FARSB: variants seen among roughly 807,000 people sequenced by gnomAD.
FARSB encodes phenylalanine--tRNA ligase beta subunit.
FARSB carries 40 observed loss-of-function variants against 69.6 expected under a neutral mutation model. The ratio of observed to expected loss-of-function variants is 0.57; its 90% CI spans 0.45 to 0.75. FARSB has a LOEUF of 0.75. Ranked by LOEUF, FARSB falls within the 30% of genes least tolerant of loss-of-function variation. The probability of loss-of-function intolerance (pLI) is 0.00; values close to 1 mark genes in which losing one functional copy is unlikely to be tolerated. For synonymous variants in FARSB, 235 were observed against 247.2 expected (o/e 0.95, Z 0.46); for missense variants, 632 against 722.9 (o/e 0.87, Z 1.44).
chr2:222,639,912 TTAAA>T (rs1160111140), intron 4 of FARSB, among the ~76,000 whole-genome samples: 2 of 152,234 alleles, frequency 1.3e-5, no homozygotes, highest in Non-Finnish European at 2.9e-5. Context: ...TGAAAATGTA[TTAAA>T]TAATTGAGAA....
At chr2:222,584,177 G>T (rs1421847450) in intron 16 of FARSB, among the ~76,000 whole-genome samples, 1 of 151,694 alleles carries the variant, frequency 6.6e-6, no homozygotes, top group African/African-American at 2.4e-5. Flanking sequence ...AGTATTCAGG[G>T]GTAACACGAT....
intron 7 of FARSB, among the ~76,000 whole-genome samples, chr2:222,631,910 T>C (rs1574944651): frequency 6.6e-6 from 1 of 152,290 alleles, no homozygotes; most frequent in East Asian, 1.9e-4. Flanking sequence ...CCTTCTCTAC[T>C]AAAAATACAA....
intron 15 of FARSB, among the ~76,000 whole-genome samples, chr2:222,604,222 A>AC (rs1227800223): frequency 6.6e-6 from 1 of 152,084 alleles, no homozygotes; most frequent in African/African-American, 2.4e-5. Flanking sequence ...CGTCTTAAAA[A>AC]AAAAAAAAAA....
At chr2:222,610,771 A>C (rs1400558938) in intron 15 of FARSB, among the ~76,000 whole-genome samples, 2 of 152,240 alleles carry the variant, frequency 1.3e-5, no homozygotes, top group African/African-American at 4.8e-5. Flanking sequence ...AATTTCATTT[A>C]ATCCTTATAA....
chr2:222,644,329 C>A (rs919924275), intron 2 of FARSB, among the ~76,000 whole-genome samples: 78 of 151,180 alleles, frequency 5.2e-4, no homozygotes, highest in Admixed American at 2.3e-3. Flanking sequence ...GCATCTCAAA[C>A]TTAGGAGGCA....
chr2:222,637,591 G>A (rs1480856141), intron 5 of FARSB, among the ~76,000 whole-genome samples: 1 of 152,150 alleles, frequency 6.6e-6, no homozygotes, highest in African/African-American at 2.4e-5. Flanking sequence ...TAGGCAAAGG[G>A]TCTTGCCTCA....
chr2:222,629,248 GA>G (rs1370871188), intron 9 of FARSB, among the ~76,000 whole-genome samples: 2 of 151,532 alleles, frequency 1.3e-5, no homozygotes, highest in African/African-American at 4.8e-5. Context: ...AAAATCAGTT[GA>G]AAAAAAACTG....
chr2:222,621,317 C>T (rs1271300720), intron 13 of FARSB, among the ~76,000 whole-genome samples: 1 of 152,180 alleles, frequency 6.6e-6, no homozygotes, highest in Non-Finnish European at 1.5e-5. Context: ...GAGACAGAGT[C>T]TCACCCTGTC....
At chr2:222,605,161 T>TTCTCTCTCTCTC (rs71053093) in intron 15 of FARSB, among the ~76,000 whole-genome samples, 10,601 of 132,402 alleles carry the variant, frequency 0.08, 580 homozygotes, top group African/African-American at 0.1. Flanking sequence ...AATACAAACT[T>TTCTCTCTCTCTC]TCTCTCTCTC....
intron 16 of FARSB, among the ~76,000 whole-genome samples, chr2:222,587,569 GC>G (rs1690151678): frequency 6.6e-6 from 1 of 152,142 alleles, no homozygotes; most frequent in South Asian, 2.1e-4. Flanking sequence ...GAATCCAGGA[GC>G]TGGTTTTTTG....
chr2:222,572,018 A>G lies in FARSB; in HGVS notation c.1623T>C (p.Pro541=). 6.2e-7 allele frequency: 1 copy of G among 1,607,698 alleles called. No individual in the cohort carries two copies. The highest frequency in any genetic ancestry group is 1.3e-5 in the African/African-American group (1 of 74,502). ...GGYVIKASEG[P]AFFPGRCAEI... is the part of the protein sequence containing the mutation. ...CTGCACATCGCCCGGGGAAGAAAGC[A>G]GGCCCTGAAAAAGAGAAAGTAAGAG... The change falls in exon 17 of 17, where the codon CCT becomes CCC. Residue 541 remains proline (P), a synonymous_variant. Coordinates refer to ENST00000281828, the MANE Select transcript of FARSB (RefSeq NM_005687.5).
At chr2:222,637,159 T>C (rs1276128781) in intron 5 of FARSB, among the ~76,000 whole-genome samples, 4 of 152,202 alleles carry the variant, frequency 2.6e-5, no homozygotes, top group African/African-American at 7.2e-5. Flanking sequence ...AGATTTACTC[T>C]TGCCTGAAAC....
chr2:222,580,133 A>G (rs781204209), intron 16 of FARSB, among the ~76,000 whole-genome samples: 41 of 151,620 alleles, frequency 2.7e-4, no homozygotes, highest in Non-Finnish European at 7.4e-5. Flanking sequence ...TATACATAAT[A>G]AATATTATAT....
At chr2:222,639,807 A>C (rs1490621174) in intron 4 of FARSB, 112 bp from the exon 5 acceptor site, 1 of 434,144 alleles carries the variant, frequency 2.3e-6, no homozygotes, top group Non-Finnish European at 4.1e-6. Context: ...TCATTCAAAC[A>C]AGTATATATT....
At chr2:222,586,634 C>T (rs1233425805) in intron 16 of FARSB, among the ~76,000 whole-genome samples, 3 of 152,062 alleles carry the variant, frequency 2.0e-5, no homozygotes, top group South Asian at 2.1e-4. Flanking sequence ...CAGAGATACA[C>T]ACAGGCTCAA....
At chr2:222,590,065 C>T (rs1276245626) in intron 16 of FARSB, among the ~76,000 whole-genome samples, 16 of 152,196 alleles carry the variant, frequency 1.1e-4, no homozygotes, top group Admixed American at 2.0e-4. Flanking sequence ...CACATGCACA[C>T]GTATGTTTAT....
intron 15 of FARSB, among the ~76,000 whole-genome samples, chr2:222,610,348 G>A (rs1323034804): frequency 6.6e-6 from 1 of 152,018 alleles, no homozygotes; most frequent in Non-Finnish European, 1.5e-5. Context: ...GAATCCAACA[G>A]AGAAAAATGG....
chr2:222,635,598 T>C (rs1029618808), intron 5 of FARSB, among the ~76,000 whole-genome samples: 1 of 152,212 alleles, frequency 6.6e-6, no homozygotes, highest in Non-Finnish European at 1.5e-5. Context: ...GGTAAGAAAG[T>C]CTGTCTTCTT....
chr2:222,650,348 C>A (rs1008705077), intron 1 of FARSB, among the ~76,000 whole-genome samples: 4 of 152,188 alleles, frequency 2.6e-5, no homozygotes, highest in Non-Finnish European at 5.9e-5. Flanking sequence ...ATTAGATCTG[C>A]ATTCTAAAGA....
Sources: gnomAD v4.1 joint callset for allele counts (sites outside exome capture counted in the v4.1 genomes callset) on GRCh38, gnomAD v4.1.1 for gene constraint, MANE v1.5 for transcripts, NCBI Gene and HGNC (gene_info 2026-07-23, HGNC 2026-07-21) for gene names.